KLHL1: variants seen among roughly 807,000 people sequenced by gnomAD.
The protein encoded by KLHL1 is kelch like family member 1.
In KLHL1, 47 loss-of-function variants were observed where a neutral mutation model predicts 77.7. The ratio of observed to expected loss-of-function variants is 0.60; its 90% CI spans 0.48 to 0.77. The LOEUF is 0.77. KLHL1 is among the 30% of genes least tolerant of loss of function. The probability of loss-of-function intolerance (pLI) is 0.00; values close to 1 mark genes in which losing one functional copy is unlikely to be tolerated. For missense variants in KLHL1, 925 were observed against 910.8 expected (o/e 1.02, Z -0.20); for synonymous variants, 360 against 325.2 (o/e 1.11, Z -1.15).
intron 5 of KLHL1, among the ~76,000 whole-genome samples, chr13:69,855,606 T>C (rs1593891233): frequency 6.6e-6 from 1 of 151,766 alleles, no homozygotes; most frequent in Non-Finnish European, 1.5e-5. Context: ...CTGATGATTT[T>C]ATAAGGGGCT....
intron 4 of KLHL1, 75 bp downstream of exon 4, chr13:69,939,965 T>C (rs1883316218): frequency 2.5e-6 from 3 of 1,187,036 alleles, no homozygotes; most frequent in East Asian, 5.2e-5. Flanking sequence ...AACTTGCTAA[T>C]GCCATGACAG....
At chr13:69,815,022 TAAAATA>T (rs1055169612) in intron 6 of KLHL1, among the ~76,000 whole-genome samples, 13 of 148,782 alleles carry the variant, frequency 8.7e-5, no homozygotes, top group African/African-American at 3.3e-4. Context: ...AAAAAATAAA[TAAAATA>T]AAATAAAATA....
At chr13:69,718,854 A>G (rs908781964) in intron 9 of KLHL1, among the ~76,000 whole-genome samples, 10 of 152,142 alleles carry the variant, frequency 6.6e-5, no homozygotes, top group South Asian at 4.1e-4. Context: ...TATTAAAAAT[A>G]TAGCTCCAAT....
At chr13:70,093,081 T>C (rs9572365) in intron 1 of KLHL1, among the ~76,000 whole-genome samples, 23,168 of 152,164 alleles carry the variant, frequency 0.15, 2,729 homozygotes, top group African/African-American at 0.32. Flanking sequence ...TCAGCATTTA[T>C]AATTATTTAA....
intron 1 of KLHL1, among the ~76,000 whole-genome samples, chr13:70,021,944 G>T (rs984454705): frequency 6.6e-5 from 10 of 152,054 alleles, no homozygotes; most frequent in Non-Finnish European, 1.5e-4. Flanking sequence ...TCTGTGGCTT[G>T]TCTTTTCATT....
At chr13:69,817,304 T>C (rs1411958994) in intron 6 of KLHL1, among the ~76,000 whole-genome samples, 2 of 152,178 alleles carry the variant, frequency 1.3e-5, no homozygotes, top group African/African-American at 4.8e-5. Context: ...GTATTCCTGA[T>C]TGTATGGCAA....
chr13:70,056,629 C>A (rs1202573623), intron 1 of KLHL1, among the ~76,000 whole-genome samples: 2 of 152,120 alleles, frequency 1.3e-5, no homozygotes, highest in Non-Finnish European at 2.9e-5. Flanking sequence ...GGTATCTTCT[C>A]TGATCTCAAC....
At chr13:70,070,495 T>A (rs1188030317) in intron 1 of KLHL1, among the ~76,000 whole-genome samples, 1 of 151,970 alleles carries the variant, frequency 6.6e-6, no homozygotes, top group Non-Finnish European at 1.5e-5. Flanking sequence ...CCCACCAATG[T>A]AGAATTCCAT....
chr13:69,764,644 C>A (rs1875182324), intron 7 of KLHL1, among the ~76,000 whole-genome samples: 1 of 152,066 alleles, frequency 6.6e-6, no homozygotes, highest in Non-Finnish European at 1.5e-5. Flanking sequence ...GGGAGAAAGT[C>A]TTCTAGACAC....
At chr13:69,803,698 G>A (rs1288499329) in intron 6 of KLHL1, among the ~76,000 whole-genome samples, 1 of 152,138 alleles carries the variant, frequency 6.6e-6, no homozygotes, top group Non-Finnish European at 1.5e-5. Context: ...TGGTAGAAGG[G>A]AAAATCAGAG....
chr13:70,033,321 T>TG (rs1886152406), intron 1 of KLHL1, among the ~76,000 whole-genome samples: 1 of 151,616 alleles, frequency 6.6e-6, no homozygotes, highest in Non-Finnish European at 1.5e-5. Flanking sequence ...ACAGAGTCTC[T>TG]CTCTGTCGCC....
chr13:69,736,752 A>ATT (rs1873782356), intron 8 of KLHL1, among the ~76,000 whole-genome samples: 1 of 152,056 alleles, frequency 6.6e-6, no homozygotes, highest in Non-Finnish European at 1.5e-5. Context: ...AAATAATGGC[A>ATT]TTTGCAGCAA....
intron 5 of KLHL1, among the ~76,000 whole-genome samples, chr13:69,847,853 C>CA (rs1879532139): frequency 6.6e-6 from 1 of 151,392 alleles, no homozygotes; most frequent in African/African-American, 2.4e-5. Flanking sequence ...TTGTGCATGA[C>CA]AAAATGAAAG....
At chr13:69,776,881 T>G (rs929953740) in intron 7 of KLHL1, among the ~76,000 whole-genome samples, 39 of 152,156 alleles carry the variant, frequency 2.6e-4, no homozygotes, top group African/African-American at 9.4e-4. Context: ...GTCCTCATGT[T>G]TTCTAAAATC....
At chr13:69,735,592 A>T (rs1434695140) in intron 8 of KLHL1, among the ~76,000 whole-genome samples, 3 of 149,440 alleles carry the variant, frequency 2.0e-5, no homozygotes, top group African/African-American at 7.4e-5. Flanking sequence ...GTAAAATATT[A>T]AAAAATATAA....
chr13:69,976,645 A>G (rs766842242), intron 1 of KLHL1, among the ~76,000 whole-genome samples: 1 of 152,104 alleles, frequency 6.6e-6, no homozygotes, highest in African/African-American at 2.4e-5. Context: ...TTAGATTCAT[A>G]AAGTTAAGAC....
intron 4 of KLHL1, among the ~76,000 whole-genome samples, chr13:69,915,659 A>G (rs981543571): frequency 3.3e-5 from 5 of 152,118 alleles, no homozygotes; most frequent in African/African-American, 1.2e-4. Flanking sequence ...AACCTAGGCA[A>G]TACCATTCAG....
chr13:69,730,614 C>T (rs58396771), intron 8 of KLHL1, among the ~76,000 whole-genome samples: 19 of 152,164 alleles, frequency 1.2e-4, no homozygotes, highest in African/African-American at 4.6e-4. Context: ...TGCTCTATCA[C>T]CCAGGCTATA....
chr13:70,035,194 C>G (rs1886208733), intron 1 of KLHL1, among the ~76,000 whole-genome samples: 1 of 152,016 alleles, frequency 6.6e-6, no homozygotes, highest in Non-Finnish European at 1.5e-5. Context: ...TGGAAGCAAT[C>G]TAAGTGTCTA....
Sources: allele counts gnomAD v4.1 joint callset (sites outside exome capture counted in the v4.1 genomes callset), GRCh38; gene constraint gnomAD v4.1.1; transcripts MANE v1.5; gene names NCBI Gene and HGNC (gene_info 2026-07-23, HGNC 2026-07-21).